Variants in MAP7D2 observed in about 807,000 individuals in gnomAD.
The protein encoded by MAP7D2 is MAP7 domain-containing protein 2.
MAP7D2 carries 33 observed loss-of-function variants against 63.5 expected under a neutral mutation model. That is an observed-to-expected ratio of 0.52 (90% CI 0.39 to 0.70). MAP7D2 has a LOEUF of 0.70. Ranked by LOEUF, MAP7D2 falls within the 30% of genes least tolerant of loss-of-function variation. The pLI is 0.00. For missense variants in MAP7D2, 626 were observed against 604.0 expected (o/e 1.04, Z -0.38); for synonymous variants, 224 against 223.7 (o/e 1.00, Z -0.01).
At chrX:20,061,539 AGCTTGGGCTGACAAGGGTCGGTCGG>A in intron 3 of MAP7D2, among the ~76,000 whole-genome samples, 1 of 112,519 alleles carries the variant, frequency 8.9e-6, no homozygotes, top group Non-Finnish European at 1.9e-5. Context: ...AACCAAGCTC[AGCTTGGGCTGACAAGGGTCGGTCGG>A]GCAGCCTCCT....
intron 8 of MAP7D2, among the ~76,000 whole-genome samples, chrX:20,027,709 G>C (rs2073902067): frequency 1.9e-5 from 2 of 107,500 alleles, no homozygotes; most frequent in African/African-American, 3.4e-5. Context: ...GAAAGAGAGG[G>C]AGAGAGGGAG....
chrX:20,108,165 T>A (rs1396396915), intron 1 of MAP7D2, among the ~76,000 whole-genome samples: 1 of 111,020 alleles, frequency 9.0e-6, no homozygotes, highest in African/African-American at 3.3e-5. Context: ...GGGAGCACAA[T>A]CTCTTTATTA....
At chrX:20,100,102 G>A (rs763030628) in intron 1 of MAP7D2, among the ~76,000 whole-genome samples, 14 of 112,057 alleles carry the variant, frequency 1.2e-4, no homozygotes, top group East Asian at 2.8e-4. Flanking sequence ...TCAGTTCTTC[G>A]CATCCAAGGA....
At chrX:20,109,913 G>T (rs2066690442) in intron 1 of MAP7D2, among the ~76,000 whole-genome samples, 2 of 110,223 alleles carry the variant, frequency 1.8e-5, no homozygotes, top group South Asian at 7.8e-4. Context: ...GCAGAGGCCT[G>T]TAATCTCAGC....
chrX:20,037,523 T>C (rs2064528994), intron 8 of MAP7D2, among the ~76,000 whole-genome samples: 1 of 111,560 alleles, frequency 9.0e-6, no homozygotes, highest in African/African-American at 3.3e-5. Context: ...CACCTGAAAG[T>C]GGACAGCTAC....
intron 4 of MAP7D2, among the ~76,000 whole-genome samples, chrX:20,053,477 T>C (rs1471553683): frequency 8.9e-6 from 1 of 111,931 alleles, no homozygotes; most frequent in East Asian, 2.8e-4. Flanking sequence ...CCTCTCAGAG[T>C]TGTATTTAAA....
intron 1 of MAP7D2, among the ~76,000 whole-genome samples, chrX:20,106,336 A>G (rs2066565535): frequency 8.9e-6 from 1 of 112,062 alleles, no homozygotes; most frequent in Non-Finnish European, 1.9e-5. Context: ...AAGCAAAATC[A>G]GGATATCCCT....
intron 1 of MAP7D2, among the ~76,000 whole-genome samples, chrX:20,109,902 G>C (rs1467790651): frequency 9.1e-6 from 1 of 110,001 alleles, no homozygotes; most frequent in Non-Finnish European, 1.9e-5. Context: ...CGGTTGTGGT[G>C]GCAGAGGCCT....
chrX:20,033,297 C>T (rs942921742), intron 8 of MAP7D2, among the ~76,000 whole-genome samples: 1 of 112,348 alleles, frequency 8.9e-6, no homozygotes, highest in African/African-American at 3.2e-5. Context: ...AATGACCAAA[C>T]TGACTTAGAA....
Position 20,012,331 on chromosome X carries a change from C to A in MAP7D2, c.2072+18G>T, listed in dbSNP as rs775771886. On this transcript the variant is annotated intron_variant, in intron 15 of 16. Coordinates refer to ENST00000379643, the MANE Select transcript of MAP7D2 (RefSeq NM_001168465.2). ...TTCGAGAAGTGATGAGGCTTAAATGCAAAAGAAATGAATATACCTCACATC... is the reference window on the plus strand; with the variant it reads ...TTCGAGAAGTGATGAGGCTTAAATGAAAAAGAAATGAATATACCTCACATC... 3 of 1,138,000 alleles carry A rather than the reference C, an allele frequency of 2.6e-6. No homozygotes were observed. The highest frequency in any genetic ancestry group is 1.8e-5 in the African/African-American group (1 of 55,320). The allele number at this position is 1,138,000 out of a possible 1,213,427, so 93.8% of individuals were successfully genotyped here.
intron 8 of MAP7D2, among the ~76,000 whole-genome samples, chrX:20,031,859 A>G (rs750241636): frequency 3.6e-4 from 40 of 112,064 alleles, no homozygotes; most frequent in African/African-American, 1.3e-3. Flanking sequence ...TCTGATTTCC[A>G]TAACAATGGA....
chrX:20,101,063 A>G (rs1459130296), intron 1 of MAP7D2, among the ~76,000 whole-genome samples: 1 of 110,970 alleles, frequency 9.0e-6, no homozygotes, highest in East Asian at 2.8e-4. Flanking sequence ...GAAGTTGGAA[A>G]GGACAAGGAA....
intron 1 of MAP7D2, among the ~76,000 whole-genome samples, chrX:20,107,581 C>CA (rs1264218448): frequency 4.6e-5 from 5 of 109,719 alleles, no homozygotes; most frequent in Non-Finnish European, 1.9e-5. Context: ...CCGCCCCCCC[C>CA]AAAATTAATT....
At chrX:20,019,571 T>C (rs747028779) in intron 10 of MAP7D2, among the ~76,000 whole-genome samples, 2 of 112,115 alleles carry the variant, frequency 1.8e-5, no homozygotes, top group Admixed American at 1.9e-4. Flanking sequence ...TTAACCTTCC[T>C]CATGTCACTG....
chrX:20,014,483 G>A (rs1006246195), intron 12 of MAP7D2, among the ~76,000 whole-genome samples: 1 of 111,120 alleles, frequency 9.0e-6, no homozygotes, highest in Admixed American at 9.6e-5. Flanking sequence ...CAGGAGAATC[G>A]CTTGAACCTG....
intron 1 of MAP7D2, among the ~76,000 whole-genome samples, chrX:20,096,321 T>C (rs749525122): frequency 2.3e-4 from 21 of 91,862 alleles, no homozygotes; most frequent in South Asian, 5.8e-4. Context: ...TCCTAGCTAC[T>C]GGGGAGGCTG....
chrX:20,038,014 T>C (rs1366741932), intron 8 of MAP7D2, among the ~76,000 whole-genome samples: 2 of 111,264 alleles, frequency 1.8e-5, no homozygotes, highest in African/African-American at 6.5e-5. Context: ...AGATTTCCAC[T>C]CACCAAGGCT....
intron 1 of MAP7D2, among the ~76,000 whole-genome samples, chrX:20,089,201 G>C (rs184686483): frequency 3.8e-4 from 43 of 112,012 alleles, no homozygotes; most frequent in African/African-American, 1.3e-3. Context: ...ATATTCAGTT[G>C]TTCCAGCACC....
rs765392175 is a variant in MAP7D2, at chrX:20,073,644, C to T, written c.131-8839G>A. Reference sequence around the variant, plus strand: ...TCCCAGGTTCACACCATTCTCCTGCCTCAGCCTCCTGAGTAGCTGGGACTA... The same window carrying T: ...TCCCAGGTTCACACCATTCTCCTGCTTCAGCCTCCTGAGTAGCTGGGACTA... On this transcript the variant is annotated intron_variant, in intron 1 of 16. Transcript: ENST00000379643. Among the ~76,000 whole-genome samples the T allele has an allele frequency of 3.7e-5, 4 of 106,915 alleles. No individual in the cohort carries two copies. In the South Asian group the frequency reaches 1.7e-3, roughly 46 times the overall value. 92.8% of individuals were successfully genotyped at this position (106,915 alleles called of 115,157 possible).
Sources: allele counts gnomAD v4.1 joint callset (sites outside exome capture counted in the v4.1 genomes callset), GRCh38; gene constraint gnomAD v4.1.1; transcripts MANE v1.5; gene names NCBI Gene and HGNC (gene_info 2026-07-23, HGNC 2026-07-21).